KAZN: variants seen among roughly 807,000 people sequenced by gnomAD.
KAZN encodes kazrin.
A neutral mutation model predicts 87.4 loss-of-function variants in KAZN; 40 were observed. The observed-to-expected ratio is 0.46, with a 90% CI of 0.36 to 0.60. The LOEUF (loss-of-function observed/expected upper bound fraction) is 0.60, where lower values mean the gene tolerates loss of function less well. Ranked by LOEUF, KAZN falls within the 20% of genes least tolerant of loss-of-function variation. The pLI is 0.00. For missense variants in KAZN, 898 were observed against 1,073.9 expected (o/e 0.84, Z 2.29); for synonymous variants, 466 against 458.3 (o/e 1.02, Z -0.22).
chr1:14,283,253 C>T (rs911978243), intron 2 of KAZN, among the ~76,000 whole-genome samples: 1 of 152,114 alleles, frequency 6.6e-6, no homozygotes, highest in Non-Finnish European at 1.5e-5. Flanking sequence ...TTGTCAAGTC[C>T]CCAGATTTTC....
At chr1:14,707,241 G>C (rs1343190344) in intron 1 of KAZN, among the ~76,000 whole-genome samples, 4 of 152,162 alleles carry the variant, frequency 2.6e-5, no homozygotes, top group Non-Finnish European at 4.4e-5. Flanking sequence ...AAGGTGGGAG[G>C]GGACATGCTG....
rs539702693 is a variant in KAZN at position 14,230,269 on chromosome 1, A to G, written c.249+49677A>G. 9.2e-5 allele frequency among the ~76,000 whole-genome samples: 14 copies of G among 152,318 alleles called. No individual in the cohort carries two copies. The South Asian group carries it at 2.7e-3, about 29-fold the overall frequency. Reference sequence around the variant, plus strand: ...TGAGTTACATAAAATTTCCAAGGTGACTTGGGAAGTTGTTTCTTACAAAAA... The same window carrying G: ...TGAGTTACATAAAATTTCCAAGGTGGCTTGGGAAGTTGTTTCTTACAAAAA... On this transcript the variant is annotated intron_variant, in intron 2 of 16. Coordinates refer to the KAZN transcript ENST00000636203.
intron 1 of KAZN, among the ~76,000 whole-genome samples, chr1:14,845,370 T>G (rs1260851187): frequency 6.7e-6 from 1 of 149,790 alleles, no homozygotes; most frequent in Admixed American, 6.6e-5. Flanking sequence ...AGTGGATGGA[T>G]GGATGGATGG....
At chr1:14,387,625 C>G (rs1055372323) in intron 2 of KAZN, among the ~76,000 whole-genome samples, 8 of 152,146 alleles carry the variant, frequency 5.3e-5, no homozygotes, top group African/African-American at 1.7e-4. Flanking sequence ...TTAGGCTGCT[C>G]GGGGTTCAGG....
intron 2 of KAZN, among the ~76,000 whole-genome samples, chr1:14,964,886 G>A (rs1349471403): frequency 6.6e-6 from 1 of 152,196 alleles, no homozygotes; most frequent in Non-Finnish European, 1.5e-5. Context: ...GCAATGGAAA[G>A]AATCTTGTTT....
intron 2 of KAZN, among the ~76,000 whole-genome samples, chr1:14,571,743 T>A (rs1674878039): frequency 6.6e-6 from 1 of 152,148 alleles, no homozygotes; most frequent in Non-Finnish European, 1.5e-5. Flanking sequence ...GTACCTCCCC[T>A]CCGCCAAGAT....
intron 2 of KAZN, among the ~76,000 whole-genome samples, chr1:14,461,245 C>T (rs1225435782): frequency 1.3e-5 from 2 of 152,038 alleles, no homozygotes; most frequent in Non-Finnish European, 2.9e-5. Context: ...TGGCTGTATC[C>T]CCACCCAAAT....
intron 2 of KAZN, among the ~76,000 whole-genome samples, chr1:14,560,035 T>C (rs897838266): frequency 1.3e-5 from 2 of 152,224 alleles, no homozygotes; most frequent in African/African-American, 4.8e-5. Context: ...TATTCTGAGG[T>C]TATGCCCTCC....
intron 2 of KAZN, among the ~76,000 whole-genome samples, chr1:14,527,222 T>C (rs772301011): frequency 2.0e-5 from 3 of 152,168 alleles, no homozygotes; most frequent in Non-Finnish European, 4.4e-5. Context: ...TTTGTGTTGC[T>C]GTACAAGAAT....
At chr1:15,071,277 A>T (rs1281277023) in intron 8 of KAZN, among the ~76,000 whole-genome samples, 1 of 151,760 alleles carries the variant, frequency 6.6e-6, no homozygotes, top group Non-Finnish European at 1.5e-5. Flanking sequence ...TTTGAGGCAG[A>T]GTCTCACTCT....
intron 1 of KAZN, among the ~76,000 whole-genome samples, chr1:14,763,748 T>C (rs1311549458): frequency 1.3e-5 from 2 of 152,160 alleles, no homozygotes; most frequent in East Asian, 3.8e-4. Flanking sequence ...ACTTGTTTTA[T>C]TTTATGTTAT....
intron 1 of KAZN, among the ~76,000 whole-genome samples, chr1:14,954,068 C>T (rs994017857): frequency 1.3e-5 from 2 of 152,184 alleles, no homozygotes; most frequent in African/African-American, 2.4e-5. Flanking sequence ...TGAGTGGGTA[C>T]ACCACACCCC....
chr1:14,125,659 A>G (rs1037977613), intron 1 of KAZN, among the ~76,000 whole-genome samples: 3 of 151,940 alleles, frequency 2.0e-5, no homozygotes, highest in Non-Finnish European at 4.4e-5. Context: ...TTAGTTTTCA[A>G]CTCCAGCCTT....
At chr1:14,143,619 C>A (rs527686686) in intron 1 of KAZN, among the ~76,000 whole-genome samples, 286 of 152,284 alleles carry the variant, frequency 1.9e-3, no homozygotes, top group African/African-American at 6.5e-3. Context: ...ATTTTACTAA[C>A]AATTGAGTCA....
intron 1 of KAZN, among the ~76,000 whole-genome samples, chr1:14,827,647 C>T (rs539853249): frequency 2.0e-5 from 3 of 152,310 alleles, no homozygotes; most frequent in Admixed American, 6.5e-5. Context: ...GAGAGGAGCC[C>T]TCGAAGCAGG....
chr1:14,910,061 T>TAATGAATGAATGAATGAATG (rs113826124), intron 1 of KAZN, among the ~76,000 whole-genome samples: 177 of 147,362 alleles, frequency 1.2e-3, no homozygotes, highest in Middle Eastern at 3.4e-3. Flanking sequence ...AATAAATAAA[T>TAATGAATGAATGAATGAATG]AATGAATGAA....
At chr1:14,355,120 A>G (rs1658902864) in intron 2 of KAZN, among the ~76,000 whole-genome samples, 1 of 152,208 alleles carries the variant, frequency 6.6e-6, no homozygotes, top group African/African-American at 2.4e-5. Context: ...GATTCCACCT[A>G]TATGAAATTC....
chr1:14,443,650 T>G (rs189757088), intron 2 of KAZN, among the ~76,000 whole-genome samples: 1 of 152,152 alleles, frequency 6.6e-6, no homozygotes, highest in Non-Finnish European at 1.5e-5. Context: ...GAGGAGAGCA[T>G]GTTTTCTTAA....
intron 2 of KAZN, among the ~76,000 whole-genome samples, chr1:14,445,637 GGAAGCCTGGCTGGT>G (rs1199607935): frequency 6.6e-6 from 1 of 152,130 alleles, no homozygotes; most frequent in Non-Finnish European, 1.5e-5. Flanking sequence ...TGGTGGTCTG[GGAAGCCTGGCTGGT>G]GATTAGGAAA....
Sources: gnomAD v4.1 joint callset for allele counts (sites outside exome capture counted in the v4.1 genomes callset) on GRCh38, gnomAD v4.1.1 for gene constraint, MANE v1.5 for transcripts, NCBI Gene and HGNC (gene_info 2026-07-23, HGNC 2026-07-21) for gene names.